The following WDR20 variants were observed in gnomAD, a reference collection of about 807,000 sequenced individuals.
WDR20 encodes the protein WD repeat domain 20.
In WDR20, 3 loss-of-function variants were observed where a neutral mutation model predicts 38.7. The observed-to-expected ratio is 0.08, with a 90% CI of 0.04 to 0.20. The LOEUF (loss-of-function observed/expected upper bound fraction) is 0.20. WDR20 is among the 10% of genes least tolerant of loss of function. WDR20 has a pLI of 1.00. For synonymous variants in WDR20, 298 were observed against 285.6 expected (o/e 1.04, Z -0.44); for missense variants, 559 against 727.7 (o/e 0.77, Z 2.67).
chr14:102,186,760 G>A (rs570657603), intron 1 of WDR20, among the ~76,000 whole-genome samples: 5 of 152,156 alleles, frequency 3.3e-5, no homozygotes, highest in Non-Finnish European at 5.9e-5. Flanking sequence ...GACCACCCTG[G>A]CTAACATGGT....
chr14:102,161,812 GA>G (rs2058818899), intron 1 of WDR20, among the ~76,000 whole-genome samples: 1 of 152,124 alleles, frequency 6.6e-6, no homozygotes, highest in African/African-American at 2.4e-5. Context: ...AGACCAAAAT[GA>G]GAGCTAATAT....
At chr14:102,210,824 G>A (rs1039234935), downstream of WDR20, among the ~76,000 whole-genome samples, 5 of 152,150 alleles carry the variant, frequency 3.3e-5, no homozygotes, top group African/African-American at 9.7e-5. Flanking sequence ...GAGACTCCCC[G>A]AGTCTTCCGA....
At chr14:102,203,802 C>A (rs1378612834) in intron 2 of WDR20, among the ~76,000 whole-genome samples, 6 of 152,164 alleles carry the variant, frequency 3.9e-5, no homozygotes, top group Admixed American at 3.9e-4. Flanking sequence ...CATTACTTAT[C>A]ATTGAGCACT....
intron 1 of WDR20, chr14:102,167,713 G>A (rs2060035156): frequency 6.6e-6 from 1 of 152,100 alleles, no homozygotes; most frequent in Non-Finnish European, 1.5e-5. Flanking sequence ...TCTAATGCAT[G>A]CCACGGTAGT....
chr14:102,183,643 C>T (rs1198309885), intron 1 of WDR20, among the ~76,000 whole-genome samples: 1 of 152,186 alleles, frequency 6.6e-6, no homozygotes. Flanking sequence ...TCTTCCTGGG[C>T]CTCAGTTTCT....
Position 102,162,300 on chromosome 14 carries a change from T to G in WDR20, c.249+22128T>G, listed in dbSNP as rs149497572. Among the ~76,000 whole-genome samples the G allele has an allele frequency of 4.3e-3, 660 of 152,306 alleles. 8 individuals carry two copies. Among genetic ancestry groups the G allele is most frequent in the African/African-American group, 0.015 (632 of 41,544 alleles). ...ATTGTACTGTTTCGTGGTTTAAACC[T>G]GTCTTTCCTTTGCCCTTGCTGTTTG... On this transcript the variant is annotated intron_variant, in intron 1 of 2. Transcript: ENST00000342702.
At chr14:102,194,196 G>A (rs116458143) in intron 1 of WDR20, among the ~76,000 whole-genome samples, 72 of 152,230 alleles carry the variant, frequency 4.7e-4, no homozygotes, top group African/African-American at 1.5e-3. Flanking sequence ...TGTCCACTTT[G>A]GAGCATTATT....
chr14:102,218,230 G>A (rs1279384964), downstream of WDR20, among the ~76,000 whole-genome samples: 1 of 152,222 alleles, frequency 6.6e-6, no homozygotes, highest in Non-Finnish European at 1.5e-5. Context: ...GACCAGAGAG[G>A]GTATTGAACA....
intron 1 of WDR20, among the ~76,000 whole-genome samples, chr14:102,153,218 G>C (rs1311899367): frequency 6.6e-6 from 1 of 151,934 alleles, no homozygotes; most frequent in Non-Finnish European, 1.5e-5. Context: ...ATGATTGAAA[G>C]CTTCTTGAGG....
chr14:102,212,930 C>T (rs1252957111), downstream of WDR20: 1 of 1,077,810 alleles, frequency 9.3e-7, no homozygotes, highest in East Asian at 6.9e-5. Context: ...ACTCAGTCAG[C>T]ATCACTGTTC....
intron 1 of WDR20, among the ~76,000 whole-genome samples, chr14:102,148,959 A>G (rs918010494): frequency 6.6e-6 from 1 of 152,146 alleles, no homozygotes; most frequent in Non-Finnish European, 1.5e-5. Flanking sequence ...CAGGAGTTTG[A>G]GACCGTCCTG....
At chr14:102,223,745 T>G (rs2064137858), downstream of WDR20, 1 of 152,234 alleles carries the variant, frequency 6.6e-6, no homozygotes, top group South Asian at 2.1e-4. Flanking sequence ...TGGTATGGAA[T>G]TGTTTTGTCT....
chr14:102,183,125 C>T (rs534784162), intron 1 of WDR20, among the ~76,000 whole-genome samples: 22 of 151,980 alleles, frequency 1.4e-4, no homozygotes, highest in African/African-American at 5.1e-4. Flanking sequence ...TGAGGATATT[C>T]GACATATATG....
downstream of WDR20, among the ~76,000 whole-genome samples, chr14:102,215,981 T>C (rs552056261): frequency 1.3e-5 from 2 of 152,314 alleles, no homozygotes; most frequent in African/African-American, 2.4e-5. Flanking sequence ...CCTCAGGCCC[T>C]TGTGCTCCCA....
At chr14:102,203,247 A>G (rs1006659992) in intron 2 of WDR20, among the ~76,000 whole-genome samples, 3 of 152,258 alleles carry the variant, frequency 2.0e-5, no homozygotes, top group Non-Finnish European at 2.9e-5. Flanking sequence ...TTTTCTAATT[A>G]CCACATTAAA....
downstream of WDR20, among the ~76,000 whole-genome samples, chr14:102,217,523 G>A (rs947674763): frequency 2.6e-5 from 4 of 152,188 alleles, no homozygotes; most frequent in African/African-American, 7.2e-5. Context: ...GCAGAGGTAC[G>A]TGGTCCACTG....
At chr14:102,190,519 G>T (rs920208680) in intron 1 of WDR20, among the ~76,000 whole-genome samples, 4 of 152,106 alleles carry the variant, frequency 2.6e-5, no homozygotes, top group Non-Finnish European at 4.4e-5. Flanking sequence ...CTTGAACCCG[G>T]GAGGCAGAGG....
chr14:102,212,361 G>A (rs2062654620), downstream of WDR20, among the ~76,000 whole-genome samples: 1 of 152,176 alleles, frequency 6.6e-6, no homozygotes, highest in Non-Finnish European at 1.5e-5. Flanking sequence ...CTCTTGCTGG[G>A]TTCAGGGCCC....
At chr14:102,172,486 G>A (rs367892155) in intron 1 of WDR20, among the ~76,000 whole-genome samples, 9,514 of 147,392 alleles carry the variant, frequency 0.065, 78 homozygotes, top group African/African-American at 0.16. Flanking sequence ...AGGGGCGGCC[G>A]GGCAGAGGCG....
Sources: gnomAD v4.1 joint callset for allele counts (sites outside exome capture counted in the v4.1 genomes callset) on GRCh38, gnomAD v4.1.1 for gene constraint, MANE v1.5 for transcripts, NCBI Gene and HGNC (gene_info 2026-07-23, HGNC 2026-07-21) for gene names.